Variants in AGBL1 observed in about 807,000 individuals in gnomAD.
AGBL1 encodes cytosolic carboxypeptidase 4.
In AGBL1, 130 loss-of-function variants were observed where a neutral mutation model predicts 118.9. That is an observed-to-expected ratio of 1.09 (90% confidence interval 0.95 to 1.26). The LOEUF is 1.26. Among genes scored for constraint, AGBL1 ranks in the 50% most tolerant of loss-of-function variants. The pLI, the probability that AGBL1 is intolerant of heterozygous loss-of-function variation, is 0.00. For missense variants in AGBL1, 1,584 were observed against 1,298.1 expected, an observed-to-expected ratio of 1.22 and a Z score of -3.38; for synonymous variants, 555 against 478.9, an observed-to-expected ratio of 1.16 and a Z score of -2.08.
intron 1 of AGBL1, among the ~76,000 whole-genome samples, chr15:86,104,019 C>G (rs1276676812): frequency 6.6e-6 from 1 of 152,102 alleles, no homozygotes; most frequent in Non-Finnish European, 1.5e-5. Context: ...TGAGGAGGGC[C>G]AGTCTTGAGG....
At chr15:87,002,603 T>C (rs1162458649) in intron 24 of AGBL1, among the ~76,000 whole-genome samples, 1 of 152,154 alleles carries the variant, frequency 6.6e-6, no homozygotes, top group Non-Finnish European at 1.5e-5. Context: ...ATTCTTCCTA[T>C]CCATGAGCTT....
chr15:86,880,459 C>A (rs2079874832), intron 22 of AGBL1, among the ~76,000 whole-genome samples: 1 of 152,068 alleles, frequency 6.6e-6, no homozygotes, highest in Non-Finnish European at 1.5e-5. Flanking sequence ...GTCAGGAGGG[C>A]CAAGGAAGGC....
At chr15:86,247,254 T>C (rs1034802904) in intron 6 of AGBL1, among the ~76,000 whole-genome samples, 1 of 152,250 alleles carries the variant, frequency 6.6e-6, no homozygotes, top group Non-Finnish European at 1.5e-5. Context: ...TGACTTGTCA[T>C]GTCTTTTTAT....
intron 18 of AGBL1, among the ~76,000 whole-genome samples, chr15:86,450,366 T>C (rs1442667554): frequency 1.3e-5 from 2 of 152,204 alleles, no homozygotes; most frequent in Admixed American, 6.5e-5. Flanking sequence ...CATACATATT[T>C]TTATAAGGCT....
chr15:86,089,488 G>A lies in AGBL1; in HGVS notation c.51+9465G>A, dbSNP rs149453666. 2.8e-3 allele frequency among the ~76,000 whole-genome samples: 426 copies of A among 152,262 alleles called. 1 individual carries two copies. Among genetic ancestry groups the A allele is most frequent in the African/African-American group, 0.01 (417 of 41,546 alleles). On this transcript the variant is annotated intron_variant, in intron 1 of 22. Coordinates refer to ENST00000614907, the MANE Select transcript of AGBL1 (RefSeq NM_001386094.1). ...CTGATTCTGATCAGGAGGCCATATG[G>A]CGATAAGGATAGCTTTAGCTTCAGG...
chr15:86,782,292 C>G (rs2078347003), intron 22 of AGBL1, among the ~76,000 whole-genome samples: 1 of 152,030 alleles, frequency 6.6e-6, no homozygotes, highest in African/African-American at 2.4e-5. Context: ...GTACTATTTT[C>G]CATATATAAT....
intron 23 of AGBL1, among the ~76,000 whole-genome samples, chr15:86,961,413 C>T (rs2080991290): frequency 6.6e-6 from 1 of 151,946 alleles, no homozygotes; most frequent in Non-Finnish European, 1.5e-5. Context: ...AGACTAAGTG[C>T]TATGCCAAAC....
At chr15:86,770,814 G>A (rs1402255499) in intron 22 of AGBL1, among the ~76,000 whole-genome samples, 1 of 152,014 alleles carries the variant, frequency 6.6e-6, no homozygotes, top group Non-Finnish European at 1.5e-5. Context: ...AAGCAACTAG[G>A]ATTACACAGA....
intron 22 of AGBL1, among the ~76,000 whole-genome samples, chr15:86,759,159 A>G (rs1490599752): frequency 6.6e-6 from 1 of 152,034 alleles, no homozygotes; most frequent in Non-Finnish European, 1.5e-5. Flanking sequence ...TGCAGGATTC[A>G]TGTTTAGTTC....
At chr15:86,125,726 G>A (rs767861502) in intron 1 of AGBL1, among the ~76,000 whole-genome samples, 1 of 152,194 alleles carries the variant, frequency 6.6e-6, no homozygotes, top group Non-Finnish European at 1.5e-5. Flanking sequence ...TCCCAGCCAT[G>A]TGTCCCAGAT....
chr15:86,279,021 G>C (rs770477538), intron 15 of AGBL1, among the ~76,000 whole-genome samples: 1 of 152,156 alleles, frequency 6.6e-6, no homozygotes, highest in African/African-American at 2.4e-5. Context: ...GAGAGATCTG[G>C]GTCTCAGTCT....
chr15:86,480,321 T>C (rs1313409699), intron 18 of AGBL1, among the ~76,000 whole-genome samples: 4 of 152,184 alleles, frequency 2.6e-5, no homozygotes, highest in Non-Finnish European at 4.4e-5. Flanking sequence ...TAACATCATA[T>C]TGTATACTGT....
chr15:86,538,964 C>A (rs746326107), intron 19 of AGBL1, among the ~76,000 whole-genome samples: 2 of 152,218 alleles, frequency 1.3e-5, no homozygotes, highest in Non-Finnish European at 2.9e-5. Flanking sequence ...CAATCTGGTC[C>A]TCATCAGCTT....
At chr15:86,842,218 A>T (rs937481634) in intron 22 of AGBL1, among the ~76,000 whole-genome samples, 7 of 65,860 alleles carry the variant, frequency 1.1e-4, no homozygotes, top group Non-Finnish European at 1.8e-4. Context: ...CATCGATATT[A>T]AAAAAAAAAA....
chr15:86,575,477 G>A (rs2084077155), intron 21 of AGBL1, among the ~76,000 whole-genome samples: 1 of 151,770 alleles, frequency 6.6e-6, no homozygotes, highest in Non-Finnish European at 1.5e-5. Flanking sequence ...TCCAGTTTGG[G>A]TAACAGAGAA....
chr15:86,973,898 TATATTAAATATAAACATATTTA>T (rs2081137002), intron 23 of AGBL1, among the ~76,000 whole-genome samples: 1 of 141,770 alleles, frequency 7.1e-6, no homozygotes, highest in Non-Finnish European at 1.5e-5. Flanking sequence ...TATACATATA[TATATTAAATATAAACATATTTA>T]ATATATTAAA....
intron 18 of AGBL1, among the ~76,000 whole-genome samples, chr15:86,400,942 T>A (rs2081436242): frequency 1.3e-5 from 2 of 152,164 alleles, no homozygotes; most frequent in African/African-American, 4.8e-5. Flanking sequence ...TTCAAGTGAC[T>A]TTCATATAAT....
At chr15:86,282,578 T>A (rs1344913476) in intron 16 of AGBL1, among the ~76,000 whole-genome samples, 1 of 152,246 alleles carries the variant, frequency 6.6e-6, no homozygotes, top group South Asian at 2.1e-4. Flanking sequence ...CAATAACTCA[T>A]GGTCTTTGTC....
At chr15:86,898,821 A>C (rs2080169622) in intron 22 of AGBL1, among the ~76,000 whole-genome samples, 1 of 152,218 alleles carries the variant, frequency 6.6e-6, no homozygotes, top group Non-Finnish European at 1.5e-5. Flanking sequence ...GAAGAAATGC[A>C]AATCAAAATG....
Sources: allele counts gnomAD v4.1 joint callset (sites outside exome capture counted in the v4.1 genomes callset), GRCh38; gene constraint gnomAD v4.1.1; transcripts MANE v1.5; gene names NCBI Gene and HGNC (gene_info 2026-07-23, HGNC 2026-07-21).